Variants in LPCAT2 observed in about 807,000 individuals in gnomAD.
LPCAT2 encodes the protein 1-AGP acyltransferase 11.
LPCAT2 carries 58 observed loss-of-function variants against 64.7 expected under a neutral mutation model. That is an observed-to-expected ratio of 0.90 (90% CI 0.73 to 1.12). The LOEUF is 1.12. Ranked by LOEUF, LPCAT2 falls within the 50% of genes most tolerant of loss-of-function variation. LPCAT2 has a pLI of 0.00. For missense variants in LPCAT2, 579 were observed against 669.8 expected, an observed-to-expected ratio of 0.86 and a Z score of 1.50; for synonymous variants, 252 against 245.3, an observed-to-expected ratio of 1.03 and a Z score of -0.26.
At position 55,509,158 on chromosome 16, in the gene LPCAT2, C is replaced by T. The variant is rs775098062; in HGVS notation, c.-24C>T. ...GCAGCGCCCGCGTAGATCGCTTCGG[C>T]CGGGTTCTACGCCCGGCTCAACTAT... On this transcript the variant is annotated 5_prime_UTR_variant, in exon 1 of 14. Coordinates refer to ENST00000262134, the MANE Select transcript of LPCAT2 (RefSeq NM_017839.5). The T allele has an allele frequency of 7.6e-7, 1 of 1,316,796 alleles. No individual in the cohort carries two copies. The allele number at this position is 1,316,796 out of a possible 1,614,324, so 81.6% of individuals were successfully genotyped here. A position where few individuals can be genotyped will look rare whatever the true frequency, so the allele number is the denominator to read the frequency against.
At chr16:55,560,130 A>G (rs1438625851) in intron 11 of LPCAT2, among the ~76,000 whole-genome samples, 6 of 152,184 alleles carry the variant, frequency 3.9e-5, no homozygotes, top group Admixed American at 2.0e-4. Flanking sequence ...GTAAAGAACA[A>G]GGCTTTGTAA....
At chr16:55,536,887 C>A (rs1356327409) in intron 7 of LPCAT2, among the ~76,000 whole-genome samples, 1 of 152,092 alleles carries the variant, frequency 6.6e-6, no homozygotes, top group Non-Finnish European at 1.5e-5. Flanking sequence ...CATTTGCCTG[C>A]CTTTACAATG....
intron 11 of LPCAT2, chr16:55,566,984 G>T: frequency 1.9e-6 from 3 of 1,613,894 alleles, no homozygotes; most frequent in Non-Finnish European, 2.5e-6. Flanking sequence ...CAGAAAGTGA[G>T]GAAGTTAGGC....
chr16:55,554,576 T>A (rs1963553879), intron 11 of LPCAT2, among the ~76,000 whole-genome samples: 2 of 152,216 alleles, frequency 1.3e-5, no homozygotes, highest in African/African-American at 2.4e-5. Flanking sequence ...CTATTCAAAC[T>A]TTCTTCATAA....
chr16:55,532,791 A>C, intron 5 of LPCAT2, 33 bp from the exon 6 acceptor site: 2 of 1,534,542 alleles, frequency 1.3e-6, no homozygotes, highest in Non-Finnish European at 9.0e-7. Context: ...TATTCACATA[A>C]AAACACATTA....
chr16:55,543,442 G>A (rs1963419111), intron 8 of LPCAT2, among the ~76,000 whole-genome samples: 1 of 152,012 alleles, frequency 6.6e-6, no homozygotes, highest in Non-Finnish European at 1.5e-5. Flanking sequence ...ATGGTTGTTT[G>A]ACTTTTTTAA....
chr16:55,556,038 C>T (rs1340318478), intron 11 of LPCAT2, among the ~76,000 whole-genome samples: 1 of 152,164 alleles, frequency 6.6e-6, no homozygotes, highest in Non-Finnish European at 1.5e-5. Context: ...TGGTCTTGAA[C>T]TCCTGACCTC....
intron 11 of LPCAT2, among the ~76,000 whole-genome samples, chr16:55,556,170 C>T (rs534515963): frequency 5.1e-4 from 77 of 152,248 alleles, no homozygotes; most frequent in South Asian, 2.5e-3. Flanking sequence ...TACCTTTTTA[C>T]TTGTATGATT....
intron 1 of LPCAT2, among the ~76,000 whole-genome samples, chr16:55,511,736 GA>G (rs1217226372): frequency 2.0e-5 from 3 of 152,048 alleles, no homozygotes; most frequent in South Asian, 2.1e-4. Context: ...AGATGGCACA[GA>G]AAAAAAAGTT....
At chr16:55,575,031 G>A (rs1414731600) in intron 12 of LPCAT2, among the ~76,000 whole-genome samples, 1 of 151,834 alleles carries the variant, frequency 6.6e-6, no homozygotes, top group Non-Finnish European at 1.5e-5. Flanking sequence ...GCCCCAAAGG[G>A]AAGTTTATAA....
At chr16:55,549,862 T>A (rs559424615) in intron 10 of LPCAT2, among the ~76,000 whole-genome samples, 2 of 152,120 alleles carry the variant, frequency 1.3e-5, no homozygotes, top group African/African-American at 4.8e-5. Flanking sequence ...ACCTATTTTT[T>A]AAAAAAAAGG....
intron 1 of LPCAT2, among the ~76,000 whole-genome samples, chr16:55,514,134 C>T (rs1962973097): frequency 6.6e-6 from 1 of 151,992 alleles, no homozygotes; most frequent in African/African-American, 2.4e-5. Context: ...TAGCCAAAAA[C>T]CTTAAAAGAA....
intron 8 of LPCAT2, among the ~76,000 whole-genome samples, chr16:55,543,313 C>T (rs556110441): frequency 2.7e-4 from 41 of 152,240 alleles, no homozygotes; most frequent in African/African-American, 9.6e-4. Context: ...ATACTACCTG[C>T]ACTAATATAA....
chr16:55,522,161 AG>A (rs1195381695), intron 1 of LPCAT2, among the ~76,000 whole-genome samples: 2 of 151,776 alleles, frequency 1.3e-5, no homozygotes, highest in African/African-American at 4.8e-5. Context: ...ATAGGATAAA[AG>A]ATCAAAACTT....
chr16:55,578,581 C>T (rs532152195), intron 12 of LPCAT2, among the ~76,000 whole-genome samples: 1 of 152,248 alleles, frequency 6.6e-6, no homozygotes, highest in South Asian at 2.1e-4. Context: ...GTTTTATCAA[C>T]CTCTTGCTCC....
intron 8 of LPCAT2, chr16:55,538,247 T>C (rs1274707582): frequency 1.3e-5 from 2 of 152,358 alleles, no homozygotes; most frequent in East Asian, 1.9e-4. Flanking sequence ...TTTCTAGATA[T>C]GATGTAGAGT....
chr16:55,558,459 ATT>A (rs1177189947), intron 11 of LPCAT2, among the ~76,000 whole-genome samples: 1 of 152,138 alleles, frequency 6.6e-6, no homozygotes, highest in East Asian at 1.9e-4. Context: ...TAAGCACATA[ATT>A]TTTTTTGCAA....
rs1962881135 is a variant in LPCAT2 at position 55,509,107 on chromosome 16, A to C, written c.-75A>C. ...CAGCGTCGCCCTAGGCTGGGACTCT[A>C]GTAGGTCTTCGGCTCAGTTTTGGCT... On this transcript the variant is annotated 5_prime_UTR_variant, in exon 1 of 14. Coordinates refer to ENST00000262134, the MANE Select transcript of LPCAT2 (RefSeq NM_017839.5). 1 of 1,220,032 alleles carries C rather than the reference A, an allele frequency of 8.2e-7. No individual in the cohort carries two copies. The highest frequency in any genetic ancestry group is 3.2e-5 in the East Asian group (1 of 31,570). The allele number at this position is 1,220,032 out of a possible 1,614,324, so 75.6% of individuals were successfully genotyped here.
At chr16:55,539,301 CA>C (rs1280601874) in intron 8 of LPCAT2, 2 of 149,740 alleles carry the variant, frequency 1.3e-5, no homozygotes, top group African/African-American at 4.9e-5. Context: ...ATTCTCCAGC[CA>C]GTTCTGAGAC....
Sources: allele counts gnomAD v4.1 joint callset (sites outside exome capture counted in the v4.1 genomes callset), GRCh38; gene constraint gnomAD v4.1.1; transcripts MANE v1.5; gene names NCBI Gene and HGNC (gene_info 2026-07-23, HGNC 2026-07-21).